PRDM16: variants seen among roughly 807,000 people sequenced by gnomAD.
The protein encoded by PRDM16 is PR/SET domain 16.
Under a neutral mutation model 110.6 loss-of-function variants are expected in PRDM16, and 23 were observed. That is an observed-to-expected ratio of 0.21 (90% CI 0.15 to 0.29). PRDM16 has a LOEUF of 0.29. PRDM16 is among the 10% of genes least tolerant of loss of function. The pLI is 1.00. For missense variants in PRDM16, 1,615 were observed against 1,794.3 expected (o/e 0.90, Z 1.81); for synonymous variants, 799 against 781.8 (o/e 1.02, Z -0.37).
At chr1:3,306,414 C>T (rs911807401) in intron 3 of PRDM16, among the ~76,000 whole-genome samples, 1 of 152,186 alleles carries the variant, frequency 6.6e-6, no homozygotes. Context: ...CCCCTCTCAA[C>T]AGGAAGACTT....
At chr1:3,330,057 G>T (rs1398059420) in intron 3 of PRDM16, among the ~76,000 whole-genome samples, 1 of 152,236 alleles carries the variant, frequency 6.6e-6, no homozygotes, top group African/African-American at 2.4e-5. Context: ...GGCAGAGTCT[G>T]CCCAGAGAAC....
intron 1 of PRDM16, among the ~76,000 whole-genome samples, chr1:3,109,208 G>A (rs2100634874): frequency 6.6e-6 from 1 of 152,312 alleles, no homozygotes; most frequent in South Asian, 2.1e-4. Context: ...TGTGTCACAG[G>A]TTTTTGTCGC....
At chr1:3,165,550 CAGGGACTCACCAGGGCTCAGGG>C (rs1643943782) in intron 1 of PRDM16, among the ~76,000 whole-genome samples, 1 of 122,354 alleles carries the variant, frequency 8.2e-6, no homozygotes, top group African/African-American at 3.8e-5. Flanking sequence ...GGCTCAGGGA[CAGGGACTCACCAGGGCTCAGGG>C]ACAGGGACTC....
At position 3,151,708 on chromosome 1, in the gene PRDM16, G is replaced by A. The variant is rs562892380; in HGVS notation, c.38-34417G>A. ...TGCCAGAGTGTCTGAGTGGCCGGGC[G>A]TGCATTAGACAAGAGCTCAGCTTCA... On this transcript the variant is annotated intron_variant, in intron 1 of 16. Coordinates refer to ENST00000270722, the MANE Select transcript of PRDM16 (RefSeq NM_022114.4). Among the ~76,000 whole-genome samples, 21 of 152,320 alleles carry A rather than the reference G, an allele frequency of 1.4e-4. No individual in the cohort carries two copies. In the South Asian group the frequency reaches 4.4e-3, roughly 32 times the overall value.
intron 3 of PRDM16, among the ~76,000 whole-genome samples, chr1:3,302,265 G>T (rs1193235973): frequency 2.0e-5 from 3 of 152,116 alleles, no homozygotes; most frequent in African/African-American, 7.2e-5. Context: ...TCACAATGAA[G>T]TAAATATTGC....
rs190820225 is a variant in PRDM16, at chr1:3,356,267, C to A, written c.439-28885C>A. On this transcript the variant is annotated intron_variant, in intron 3 of 16. Transcript: ENST00000270722. ...TTGTGGAATTGTTCCAAAGCCCCCC[C>A]CAGCCCCCCTGCGCCAAGCCACCAT... 2.9e-3 allele frequency among the ~76,000 whole-genome samples: 444 copies of A among 152,312 alleles called. 9 individuals carry two copies. The South Asian group carries it at 0.035, about 12-fold the overall frequency.
chr1:3,349,955 T>C (rs983929201), intron 3 of PRDM16, among the ~76,000 whole-genome samples: 1 of 144,086 alleles, frequency 6.9e-6, no homozygotes, highest in Admixed American at 7.3e-5. Context: ...CAGCCTCTTC[T>C]GTGCCTAGCG....
intron 1 of PRDM16, among the ~76,000 whole-genome samples, chr1:3,146,616 G>A (rs1165488642): frequency 7.1e-6 from 1 of 141,456 alleles, no homozygotes; most frequent in Non-Finnish European, 1.5e-5. Flanking sequence ...CAGTGTGGGG[G>A]GTGTGTGTGC....
chr1:3,142,368 G>A (rs993350992), intron 1 of PRDM16, among the ~76,000 whole-genome samples: 3 of 152,248 alleles, frequency 2.0e-5, no homozygotes, highest in Admixed American at 1.3e-4. Flanking sequence ...GGTGGGGACC[G>A]GCCCTCCCTG....
intron 1 of PRDM16, among the ~76,000 whole-genome samples, chr1:3,141,636 G>A (rs1483463085): frequency 3.3e-5 from 5 of 152,232 alleles, no homozygotes; most frequent in African/African-American, 9.6e-5. Flanking sequence ...GGGCCACAAC[G>A]TGGTGGCATT....
intron 1 of PRDM16, among the ~76,000 whole-genome samples, chr1:3,074,623 A>G (rs1283795913): frequency 2.0e-5 from 3 of 152,146 alleles, no homozygotes; most frequent in Non-Finnish European, 4.4e-5. Context: ...TTCTGTCCCC[A>G]AGGGCAGGCA....
intron 1 of PRDM16, among the ~76,000 whole-genome samples, chr1:3,183,579 C>T (rs1362104583): frequency 2.6e-5 from 4 of 152,230 alleles, no homozygotes; most frequent in African/African-American, 7.2e-5. Context: ...ACCCCGTGAC[C>T]GCCGGGGAAG....
intron 1 of PRDM16, among the ~76,000 whole-genome samples, chr1:3,092,475 T>C (rs1227397493): frequency 1.3e-5 from 2 of 150,994 alleles, no homozygotes; most frequent in Non-Finnish European, 3.0e-5. Context: ...ATCGGGGCAT[T>C]GTGACCATGG....
chr1:3,436,236 G>A lies in PRDM16; in HGVS notation c.*2425G>A, dbSNP rs559064163. ...TGCAATATGACCCCGTCTCTCTGAAGTGGGACATTCGGACGGATGGAGCCC... is the reference window on the plus strand; with the variant it reads ...TGCAATATGACCCCGTCTCTCTGAAATGGGACATTCGGACGGATGGAGCCC... On this transcript the variant is annotated 3_prime_UTR_variant, in exon 17 of 17. Transcript: ENST00000270722. The A allele has an allele frequency of 7.9e-5, 18 of 228,456 alleles. No homozygotes were observed. Among genetic ancestry groups the A allele is most frequent in the African/African-American group, 3.8e-4 (17 of 44,826 alleles). The allele number at this position is 228,456 out of a possible 1,614,324, so 14.2% of individuals were successfully genotyped here. A position where few individuals can be genotyped will look rare whatever the true frequency, so the allele number is the denominator to read the frequency against.
chr1:3,126,016 G>A (rs1643197109), intron 1 of PRDM16, among the ~76,000 whole-genome samples: 1 of 152,248 alleles, frequency 6.6e-6, no homozygotes, highest in African/African-American at 2.4e-5. Flanking sequence ...CTTGTAGAGA[G>A]CCCGGGCAGT....
At position 3,310,695 on chromosome 1, in the gene PRDM16, A is replaced by C. The variant is rs61405164; in HGVS notation, c.438+66558A>C. 4.6e-3 allele frequency among the ~76,000 whole-genome samples: 699 copies of C among 152,320 alleles called. 9 individuals are homozygous for C. Among genetic ancestry groups the C allele is most frequent in the African/African-American group, 0.016 (654 of 41,578 alleles). ...CCTCTCCAGGCCTTCCTCCTCTGCCAACTCTTCATTTGGCCTCAGATGACA... is the reference window on the plus strand; with the variant it reads ...CCTCTCCAGGCCTTCCTCCTCTGCCCACTCTTCATTTGGCCTCAGATGACA... On this transcript the variant is annotated intron_variant, in intron 3 of 16. Transcript: ENST00000270722.
chr1:3,181,678 GCAGTCTTACACACGGTCTTACACA>G (rs1644198008), intron 1 of PRDM16, among the ~76,000 whole-genome samples: 1 of 113,926 alleles, frequency 8.8e-6, no homozygotes, highest in African/African-American at 3.7e-5. Flanking sequence ...TCTTACACGC[GCAGTCTTACACACGGTCTTACACA>G]CGGTCTTACA....
At chr1:3,330,012 C>T (rs1642011114) in intron 3 of PRDM16, among the ~76,000 whole-genome samples, 1 of 152,260 alleles carries the variant, frequency 6.6e-6, no homozygotes, top group Non-Finnish European at 1.5e-5. Context: ...TGCAGGTCCT[C>T]TGCCAGGGCT....
rs1644158358 is a variant in PRDM16 at position 3,181,110 on chromosome 1, G to GCGGTCTTACACACCCGGTCTTACACA, written c.38-5012_38-5011insTCTTACACACCCGGTCTTACACACGG. Among the ~76,000 whole-genome samples the GCGGTCTTACACACCCGGTCTTACACA allele has an allele frequency of 6.6e-5, 5 of 76,320 alleles. No individual in the cohort carries two copies. In the East Asian group the frequency reaches 4.7e-3, roughly 71 times the overall value. The allele number at this position is 76,320 out of a possible 152,430, so 50.1% of individuals were successfully genotyped here. ...CGGCCTTACACACGCAGTCTTACAC[G>GCGGTCTTACACACCCGGTCTTACACA]CGGCCTTACACACGCAGTCTTACAC... On this transcript the variant is annotated intron_variant, in intron 1 of 16. Transcript: ENST00000270722.
Sources: allele counts gnomAD v4.1 joint callset (sites outside exome capture counted in the v4.1 genomes callset), GRCh38; gene constraint gnomAD v4.1.1; transcripts MANE v1.5; gene names NCBI Gene and HGNC (gene_info 2026-07-23, HGNC 2026-07-21).